GPM6A: variants seen among roughly 807,000 people sequenced by gnomAD.
GPM6A encodes neuronal membrane glycoprotein M6-a.
GPM6A carries 7 observed loss-of-function variants against 32.1 expected under a neutral mutation model. That is an observed-to-expected ratio of 0.22 (90% CI 0.12 to 0.41). GPM6A has a LOEUF of 0.41. Ranked by LOEUF, GPM6A falls within the 10% of genes least tolerant of loss-of-function variation. The pLI is 1.00. For missense variants in GPM6A, 235 were observed against 347.2 expected, an observed-to-expected ratio of 0.68 and a Z score of 2.57; for synonymous variants, 130 against 123.4, an observed-to-expected ratio of 1.05 and a Z score of -0.35.
intron 6 of GPM6A, among the ~76,000 whole-genome samples, chr4:175,636,302 A>G (rs1740607170): frequency 7.3e-6 from 1 of 136,980 alleles, no homozygotes; most frequent in South Asian, 2.2e-4. Flanking sequence ...ATATATACAT[A>G]TATATATGGA....
At chr4:175,822,041 T>G (rs1735292754) in intron 1 of GPM6A, among the ~76,000 whole-genome samples, 1 of 152,160 alleles carries the variant, frequency 6.6e-6, no homozygotes, top group African/African-American at 2.4e-5. Context: ...TAGGTTTGCA[T>G]AGACATTTTT....
intron 1 of GPM6A, among the ~76,000 whole-genome samples, chr4:175,711,247 G>T (rs1308622038): frequency 6.6e-6 from 1 of 151,020 alleles, no homozygotes; most frequent in Non-Finnish European, 1.5e-5. Flanking sequence ...CATACTACTG[G>T]TAATTCACTC....
At chr4:175,898,455 T>A (rs982470039) in intron 1 of GPM6A, among the ~76,000 whole-genome samples, 2 of 152,204 alleles carry the variant, frequency 1.3e-5, no homozygotes, top group African/African-American at 4.8e-5. Flanking sequence ...AACATTTGTC[T>A]GATTTCCCTC....
chr4:175,666,171 C>T (rs778184076), intron 3 of GPM6A, among the ~76,000 whole-genome samples: 8 of 152,060 alleles, frequency 5.3e-5, no homozygotes, highest in Non-Finnish European at 8.8e-5. Flanking sequence ...CCACCTGCCT[C>T]GGTCTCCCAG....
intron 1 of GPM6A, among the ~76,000 whole-genome samples, chr4:175,976,825 A>C (rs1475512199): frequency 6.6e-6 from 1 of 152,228 alleles, no homozygotes; most frequent in Non-Finnish European, 1.5e-5. Flanking sequence ...AGAGAACTCA[A>C]GTAAAACACA....
At position 175,754,745 on chromosome 4, in the gene GPM6A, C is replaced by G. The variant is rs780393870; in HGVS notation, c.38-52978G>C. 3.9e-5 allele frequency among the ~76,000 whole-genome samples: 6 copies of G among 152,218 alleles called. No homozygotes were observed. The South Asian group carries it at 1.2e-3, about 32-fold the overall frequency. On this transcript the variant is annotated intron_variant, in intron 1 of 6. Transcript: ENST00000393658. ...AGAATGCATAATCCAGGGACACAGACAAGGCTAGTGTAGAGCTGTAAATTA... is the reference window on the plus strand; with the variant it reads ...AGAATGCATAATCCAGGGACACAGAGAAGGCTAGTGTAGAGCTGTAAATTA...
At chr4:175,736,249 C>T (rs1731654752) in intron 1 of GPM6A, among the ~76,000 whole-genome samples, 3 of 152,116 alleles carry the variant, frequency 2.0e-5, no homozygotes, top group Admixed American at 6.6e-5. Flanking sequence ...CTCCTGGCCT[C>T]GAGCAATTCT....
intron 1 of GPM6A, among the ~76,000 whole-genome samples, chr4:175,978,965 CA>C (rs761305638): frequency 0.03 from 3,769 of 124,766 alleles, 77 homozygotes; most frequent in African/African-American, 0.072. Context: ...CCATTTAAAG[CA>C]AAAAAAAAAA....
chr4:175,899,228 C>T (rs962893196), intron 1 of GPM6A, among the ~76,000 whole-genome samples: 3 of 152,070 alleles, frequency 2.0e-5, no homozygotes, highest in African/African-American at 4.8e-5. Flanking sequence ...TAGTATTCTC[C>T]TAGTCCCATT....
intron 1 of GPM6A, among the ~76,000 whole-genome samples, chr4:175,991,142 T>G (rs917612493): frequency 6.6e-6 from 1 of 151,044 alleles, no homozygotes; most frequent in Non-Finnish European, 1.5e-5. Context: ...ATGATCTCAC[T>G]GCAACTTCTG....
At chr4:175,643,164 A>C (rs1291840951) in intron 4 of GPM6A, among the ~76,000 whole-genome samples, 1 of 152,164 alleles carries the variant, frequency 6.6e-6, no homozygotes, top group Non-Finnish European at 1.5e-5. Context: ...ACTTGGATTA[A>C]TACAATCATT....
chr4:175,883,244 T>C (rs904410070), intron 1 of GPM6A, among the ~76,000 whole-genome samples: 1 of 152,106 alleles, frequency 6.6e-6, no homozygotes, highest in African/African-American at 2.4e-5. Flanking sequence ...AATATGCACA[T>C]GTAAGCTACT....
chr4:175,654,565 A>C (rs1741974607), intron 3 of GPM6A, among the ~76,000 whole-genome samples: 1 of 152,176 alleles, frequency 6.6e-6, no homozygotes. Flanking sequence ...ATAGTCTTAT[A>C]GAATAAAGGA....
At chr4:175,823,740 G>GA (rs1735347826) in intron 1 of GPM6A, among the ~76,000 whole-genome samples, 2 of 152,072 alleles carry the variant, frequency 1.3e-5, no homozygotes, top group East Asian at 1.9e-4. Flanking sequence ...CTCTGTGGAT[G>GA]AAAAAAATAC....
chr4:175,904,878 G>T lies in GPM6A; in HGVS notation c.-22-92629C>A, dbSNP rs544001963. ...AGAAGGTACATCAATTTTAAAATTT[G>T]CCATTTCTTAGTTCACCTTAAACCA... On this transcript the variant is annotated intron_variant, in intron 1 of 7. Transcript: ENST00000280187. Among the ~76,000 whole-genome samples, 10 of 152,184 alleles carry T rather than the reference G, an allele frequency of 6.6e-5. No homozygotes were observed. The South Asian group carries it at 2.1e-3, about 32-fold the overall frequency.
At chr4:175,870,314 C>T (rs1446584540) in intron 1 of GPM6A, among the ~76,000 whole-genome samples, 1 of 151,848 alleles carries the variant, frequency 6.6e-6, no homozygotes, top group Non-Finnish European at 1.5e-5. Context: ...AACAACAATG[C>T]ATTATTAAAA....
chr4:175,861,348 A>G (rs1157643546), intron 1 of GPM6A, among the ~76,000 whole-genome samples: 1 of 151,554 alleles, frequency 6.6e-6, no homozygotes, highest in Non-Finnish European at 1.5e-5. Context: ...AACTTTATAT[A>G]TAAATTATAT....
chr4:175,899,475 C>T (rs1048683191), intron 1 of GPM6A, among the ~76,000 whole-genome samples: 2 of 152,110 alleles, frequency 1.3e-5, no homozygotes, highest in Non-Finnish European at 2.9e-5. Flanking sequence ...TCAAATTATA[C>T]TACAGATTAT....
At position 175,976,683 on chromosome 4, in the gene GPM6A, C is replaced by T. The variant is rs1740673976; in HGVS notation, c.-23+25626G>A. On this transcript the variant is annotated intron_variant, in intron 1 of 7. Coordinates refer to the GPM6A transcript ENST00000280187. ...AATGGGTACACAGATGAACGGTCCACTAATAGAAAGCTCCATTGGCCAGGC... is the reference window on the plus strand; with the variant it reads ...AATGGGTACACAGATGAACGGTCCATTAATAGAAAGCTCCATTGGCCAGGC... Among the ~76,000 whole-genome samples the T allele has an allele frequency of 2.0e-5, 3 of 152,266 alleles. No individual in the cohort carries two copies. In the South Asian group the frequency reaches 6.2e-4, roughly 32 times the overall value.
Sources: allele counts gnomAD v4.1 joint callset (sites outside exome capture counted in the v4.1 genomes callset), GRCh38; gene constraint gnomAD v4.1.1; transcripts MANE v1.5; gene names NCBI Gene and HGNC (gene_info 2026-07-23, HGNC 2026-07-21).